The following TNRC18 variants were observed in gnomAD, a reference collection of about 807,000 sequenced individuals.
TNRC18 encodes the protein trinucleotide repeat containing 18.
Under a neutral mutation model 226.7 loss-of-function variants are expected in TNRC18, and 69 were observed. The observed-to-expected ratio is 0.30, with a 90% CI of 0.25 to 0.37. The LOEUF is 0.37. TNRC18 is among the 10% of genes least tolerant of loss of function. TNRC18 has a pLI of 1.00. For synonymous variants in TNRC18, 2,449 were observed against 1,927.6 expected (o/e 1.27, Z -7.09); for missense variants, 4,754 against 4,256.6 (o/e 1.12, Z -3.25).
intron 17 of TNRC18, among the ~76,000 whole-genome samples, chr7:5,348,640 G>A (rs1428286165): frequency 6.8e-6 from 1 of 147,934 alleles, no homozygotes; most frequent in East Asian, 2.1e-4. Flanking sequence ...GGAGTCCGCA[G>A]AGGAGTAGAG....
Position 5,345,634 on chromosome 7 carries a change from G to A in TNRC18, c.5647C>T (p.Pro1883Ser), listed in dbSNP as rs754792163. 5 of 1,558,216 alleles carry A rather than the reference G, an allele frequency of 3.2e-6. No homozygotes were observed. Among genetic ancestry groups the A allele is most frequent in the Non-Finnish European group, 2.6e-6 (3 of 1,151,496 alleles). The change falls in exon 18 of 30, where the codon CCA becomes TCA. Residue 1883 changes from proline (P) to serine (S), a missense_variant. Physicochemically the swap from Pro to Ser is moderately conservative, Grantham distance 74 (BLOSUM62 -1). Coordinates refer to ENST00000430969, the MANE Select transcript of TNRC18 (RefSeq NM_001080495.3). ...ASALPSPTVGPSLSVVQLEAK... is the reference protein window; with the variant it reads ...ASALPSPTVGSSLSVVQLEAK... ...TCCAGCTGTACCACAGACAGGGATG[G>A]ACCCACCGTGGGGCTGGGGAGGGCG... is the stretch of plus-strand genomic sequence containing the variant.
rs550682983 is a variant in TNRC18 at position 5,351,938 on chromosome 7, G to C, written c.5351C>G (p.Ala1784Gly). The change falls in exon 17 of 30, where the codon GCC becomes GGC. Residue 1784 changes from alanine to glycine, a missense_variant. Physicochemically the swap from Ala to Gly is moderately conservative, Grantham distance 60. Transcript: ENST00000430969. ...CGGCTTGGGTTTCAGAGTCCGGGGG[G>C]CCGCCAGGCCCCTCTTGGTCAGCTT... ...GPKLTKRGLA[A>G]PRTLKPKPAT... is the part of the protein sequence containing the mutation. The C allele has an allele frequency of 1.9e-5, 31 of 1,613,706 alleles. No individual in the cohort carries two copies. The East Asian group carries it at 6.9e-4, about 36-fold the overall frequency.
chr7:5,349,696 G>C (rs1791580641), intron 17 of TNRC18, among the ~76,000 whole-genome samples: 1 of 152,236 alleles, frequency 6.6e-6, no homozygotes, highest in South Asian at 2.1e-4. Flanking sequence ...TGCAGCGTGA[G>C]AGCAAATGCA....
chr7:5,388,162 A>G lies in TNRC18; in HGVS notation c.1662T>C (p.Pro554=), dbSNP rs965892257. 4 of 1,574,018 alleles carry G rather than the reference A, an allele frequency of 2.5e-6. No individual in the cohort carries two copies. The highest frequency in any genetic ancestry group is 3.4e-6 in the Non-Finnish European group (4 of 1,161,822). ...CCGCCGAGCGGGGCAGCACAGCCCC[A>G]GGGTCCAGGTAGGCCTTCTTGGAGG... ...ASSSKKAYLD[P]GAVLPRSAAT... Residue 554 remains proline, a synonymous_variant, in exon 5 of 30, where the codon CCT becomes CCC. Coordinates refer to ENST00000430969, the MANE Select transcript of TNRC18 (RefSeq NM_001080495.3).
Position 5,389,268 on chromosome 7 carries a change from G to A in TNRC18, c.556C>T (p.Pro186Ser). The change falls in exon 5 of 30, where the codon CCT becomes TCT. Residue 186 changes from proline to serine, a missense_variant. Physicochemically the swap from Pro to Ser is moderately conservative, Grantham distance 74. Transcript: ENST00000430969. Reference protein sequence around the residue: ...LHSHAPSARTPGGGHSSGAPA... With the variant: ...LHSHAPSARTSGGGHSSGAPA... Reference sequence around the variant, plus strand: ...GCGCCCGAGGAGTGGCCGCCGCCAGGGGTCCGGGCCGAGGGCGCGTGAGAG... The same window carrying A: ...GCGCCCGAGGAGTGGCCGCCGCCAGAGGTCCGGGCCGAGGGCGCGTGAGAG... The A allele has an allele frequency of 8.4e-6, 11 of 1,301,808 alleles. No homozygotes were observed. Among genetic ancestry groups the A allele is most frequent in the South Asian group, 2.3e-5 (1 of 44,174 alleles). 80.6% of individuals were successfully genotyped at this position (1,301,808 alleles called of 1,614,324 possible).
At chr7:5,359,065 T>C (rs1294650293) in intron 15 of TNRC18, among the ~76,000 whole-genome samples, 1 of 152,182 alleles carries the variant, frequency 6.6e-6, no homozygotes, top group Non-Finnish European at 1.5e-5. Context: ...TATTACACCA[T>C]TAAACAACAG....
chr7:5,380,070 C>T (rs930864981), intron 5 of TNRC18, among the ~76,000 whole-genome samples: 1 of 152,218 alleles, frequency 6.6e-6, no homozygotes, highest in South Asian at 2.1e-4. Context: ...AGCCATGACC[C>T]TAATGGGTGA....
At chr7:5,345,392 C>T (rs886370191) in intron 18 of TNRC18, among the ~76,000 whole-genome samples, 170 bp downstream of exon 18, 1 of 152,220 alleles carries the variant, frequency 6.6e-6, no homozygotes, top group Non-Finnish European at 1.5e-5. Context: ...GCCAGGGCCC[C>T]TGTCGCGAGC....
At position 5,421,280 on chromosome 7, in the gene TNRC18, C is replaced by T. The variant is rs1461103815; in HGVS notation, c.-34G>A. The T allele has an allele frequency of 7.9e-7, 1 of 1,269,024 alleles. No homozygotes were observed. The highest frequency in any genetic ancestry group is 3.2e-5 in the South Asian group (1 of 31,574). 78.6% of individuals were successfully genotyped at this position (1,269,024 alleles called of 1,614,324 possible). On this transcript the variant is annotated 5_prime_UTR_variant, in exon 2 of 30. Coordinates refer to ENST00000430969, the MANE Select transcript of TNRC18 (RefSeq NM_001080495.3). ...GGAGTGCCGCGATCAGCCCCCCACC[C>T]GGCCCGCAGGCCTAGCTCAGTGGGA...
At chr7:5,361,544 T>C in intron 14 of TNRC18, 50 bp downstream of exon 14, 3 of 1,440,058 alleles carry the variant, frequency 2.1e-6, no homozygotes, top group Non-Finnish European at 2.7e-6. Context: ...CCCGGGCTCC[T>C]CCCCTCAAGC....
chr7:5,421,397 G>A lies in TNRC18; in HGVS notation c.-151C>T, dbSNP rs1177181971. The A allele has an allele frequency of 1.5e-6, 1 of 681,898 alleles. No homozygotes were observed. Among genetic ancestry groups the A allele is most frequent in the Non-Finnish European group, 1.9e-6 (1 of 528,914 alleles). 42.2% of individuals were successfully genotyped at this position (681,898 alleles called of 1,614,324 possible). ...CGGCGGCCAGCGGGGCTTGCGCTCG[G>A]CGGCGGGCCCGCGGCCCGGGGCGCA... On this transcript the variant is annotated 5_prime_UTR_variant, in exon 2 of 30. Transcript: ENST00000430969.
chr7:5,406,299 CAA>C (rs1240988452), intron 2 of TNRC18, among the ~76,000 whole-genome samples: 1 of 151,732 alleles, frequency 6.6e-6, no homozygotes, highest in Non-Finnish European at 1.5e-5. Flanking sequence ...CCCATCTCTA[CAA>C]AAAATACAAA....
Position 5,354,331 on chromosome 7 carries a change from C to G in TNRC18, c.5195-2237G>C, listed in dbSNP as rs569365837. On this transcript the variant is annotated intron_variant, in intron 16 of 29. Transcript: ENST00000430969. Reference sequence around the variant, plus strand: ...CAGAGACAGAGCACATCTCTGACCTCCAGCTCCACCCCATCCACGTCCACC... The same window carrying G: ...CAGAGACAGAGCACATCTCTGACCTGCAGCTCCACCCCATCCACGTCCACC... 1.8e-4 allele frequency among the ~76,000 whole-genome samples: 27 copies of G among 152,244 alleles called. 2 individuals carry two copies. In the South Asian group the frequency reaches 5.4e-3, roughly 30 times the overall value.
intron 4 of TNRC18, 36 bp from the exon 5 acceptor site, chr7:5,389,372 C>T: frequency 1.6e-6 from 2 of 1,239,112 alleles, no homozygotes; most frequent in Non-Finnish European, 2.0e-6. Context: ...TGAGCGAGCG[C>T]CACCTCCCCT....
chr7:5,314,430 G>T (rs1787633611), intron 26 of TNRC18, among the ~76,000 whole-genome samples: 1 of 152,128 alleles, frequency 6.6e-6, no homozygotes, highest in Non-Finnish European at 1.5e-5. Context: ...ATTTTCTCTG[G>T]ATTCTGGAAA....
At chr7:5,379,150 T>C (rs1334691967) in intron 5 of TNRC18, among the ~76,000 whole-genome samples, 6 of 151,658 alleles carry the variant, frequency 4.0e-5, no homozygotes, top group African/African-American at 1.2e-4. Flanking sequence ...TGAGCCGAGA[T>C]TGCACCACTG....
chr7:5,401,028 G>T (rs1197401848), intron 2 of TNRC18, among the ~76,000 whole-genome samples: 1 of 152,044 alleles, frequency 6.6e-6, no homozygotes, highest in Non-Finnish European at 1.5e-5. Context: ...GCAAGACCCT[G>T]TCTCAAAAAA....
chr7:5,394,453 G>C lies in TNRC18; in HGVS notation c.330C>G (p.Ala110=). The C allele has an allele frequency of 6.5e-7, 1 of 1,549,044 alleles. No individual in the cohort carries two copies. The highest frequency in any genetic ancestry group is 8.7e-7 in the Non-Finnish European group (1 of 1,147,894). ...SNLPMVQLWA[A]HAHEGFSHLP... Reference sequence around the variant, plus strand: ...CATGTTCCTTACCTTCATGGGCGTGGGCGGCCCACAGCTGCACCATGGGCA... The same window carrying C: ...CATGTTCCTTACCTTCATGGGCGTGCGCGGCCCACAGCTGCACCATGGGCA... Residue 110 remains alanine, a synonymous_variant, in exon 3 of 30, where the codon GCC becomes GCG. Transcript: ENST00000430969. The surrounding 1 kb of genome is among the most constrained non-coding windows in gnomAD (Gnocchi z 4.5).
At chr7:5,419,405 G>C (rs945337563) in intron 2 of TNRC18, among the ~76,000 whole-genome samples, 1 of 150,604 alleles carries the variant, frequency 6.6e-6, no homozygotes, top group Non-Finnish European at 1.5e-5. Flanking sequence ...TCCCAGGCTT[G>C]GGGGGGGCCC....
Sources: gnomAD v4.1 joint callset for allele counts (sites outside exome capture counted in the v4.1 genomes callset) on GRCh38, gnomAD v4.1.1 for gene constraint, Gnocchi (gnomAD v3.1) non-coding constraint, MANE v1.5 for transcripts, NCBI Gene and HGNC (gene_info 2026-07-23, HGNC 2026-07-21) for gene names.